The following ANO10 variants were observed in gnomAD, a reference collection of about 807,000 sequenced individuals.
The protein encoded by ANO10 is anoctamin 10, also known as anoctamin-10.
Under a neutral mutation model 74.7 loss-of-function variants are expected in ANO10, and 77 were observed. The observed-to-expected ratio is 1.03, with a 90% CI of 0.86 to 1.25. The LOEUF (loss-of-function observed/expected upper bound fraction) is 1.25, where lower values mean the gene tolerates loss of function less well. Ranked by LOEUF, ANO10 falls within the 50% of genes most tolerant of loss-of-function variation. The pLI, the probability that ANO10 is intolerant of heterozygous loss-of-function variation, is 0.00. For synonymous variants in ANO10, 279 were observed against 284.9 expected, an observed-to-expected ratio of 0.98 and a Z score of 0.21; for missense variants, 721 against 778.1, an observed-to-expected ratio of 0.93 and a Z score of 0.87.
intron 1 of ANO10, among the ~76,000 whole-genome samples, chr3:43,637,035 T>C (rs2083617927): frequency 6.6e-6 from 1 of 152,112 alleles, no homozygotes; most frequent in Non-Finnish European, 1.5e-5. Flanking sequence ...GCAGACGTGG[T>C]GGTGCATGCC....
At chr3:43,591,363 AG>A (rs1369561175) in intron 4 of ANO10, among the ~76,000 whole-genome samples, 17 of 152,082 alleles carry the variant, frequency 1.1e-4, no homozygotes, top group African/African-American at 3.9e-4. Flanking sequence ...ATCCTAATGG[AG>A]CTGAACACTA....
intron 9 of ANO10, among the ~76,000 whole-genome samples, chr3:43,557,734 CAAAAAAAAA>C (rs893586520): frequency 3.5e-4 from 15 of 43,306 alleles, no homozygotes; most frequent in African/African-American, 1.3e-3. Flanking sequence ...GACTCTGTCT[CAAAAAAAAA>C]AAAAAAAAAA....
intron 11 of ANO10, among the ~76,000 whole-genome samples, chr3:43,523,894 T>G (rs553934178): frequency 1.3e-5 from 2 of 150,742 alleles, no homozygotes; most frequent in Admixed American, 6.6e-5. Flanking sequence ...GTGGAGTAGA[T>G]GAGCTCATCC....
chr3:43,652,101 C>G (rs1310989889), intron 1 of ANO10, among the ~76,000 whole-genome samples: 1 of 148,794 alleles, frequency 6.7e-6, no homozygotes, highest in Non-Finnish European at 1.5e-5. Flanking sequence ...TGCAATCTAT[C>G]AGAATCTTGG....
upstream of ANO10, among the ~76,000 whole-genome samples, chr3:43,625,662 G>C (rs993801243): frequency 6.6e-6 from 1 of 152,112 alleles, no homozygotes; most frequent in Non-Finnish European, 1.5e-5. Context: ...CATTTTCTGT[G>C]AATTATCTAT....
chr3:43,672,332 T>C (rs952599683), intron 1 of ANO10, among the ~76,000 whole-genome samples: 2 of 152,134 alleles, frequency 1.3e-5, no homozygotes, highest in Non-Finnish European at 2.9e-5. Flanking sequence ...TAGACCAGCC[T>C]GGGCAACATA....
chr3:43,405,968 A>C (rs962485038), intron 12 of ANO10, among the ~76,000 whole-genome samples: 1 of 152,226 alleles, frequency 6.6e-6, no homozygotes, highest in Non-Finnish European at 1.5e-5. Flanking sequence ...TTAAGGTGAA[A>C]TAATTATTTT....
chr3:43,541,013 T>A (rs2078930744), intron 11 of ANO10, among the ~76,000 whole-genome samples: 2 of 152,164 alleles, frequency 1.3e-5, no homozygotes, highest in South Asian at 2.1e-4. Context: ...GACTAGTAAA[T>A]TCCAAGATTA....
chr3:43,385,379 C>G (rs2092086099), intron 12 of ANO10, among the ~76,000 whole-genome samples: 1 of 152,098 alleles, frequency 6.6e-6, no homozygotes. Flanking sequence ...AAAAATAGAT[C>G]CACCCCAATC....
chr3:43,423,839 C>T (rs1157366008), intron 12 of ANO10, among the ~76,000 whole-genome samples: 4 of 152,184 alleles, frequency 2.6e-5, no homozygotes, highest in African/African-American at 9.7e-5. Flanking sequence ...GTGCCTGGCT[C>T]ATGTTCTCAC....
Position 43,561,243 on chromosome 3 carries a change from C to A in ANO10, c.1453G>T (p.Glu485Ter). 6.2e-7 allele frequency: 1 copy of A among 1,614,142 alleles called. No homozygotes were observed. The highest frequency in any genetic ancestry group is 8.5e-7 in the Non-Finnish European group (1 of 1,180,018). The change falls in exon 9 of 13, where the codon GAA becomes TAA. Residue 485 changes from glutamate to a stop codon, truncating the protein, a stop_gained. Coordinates refer to ENST00000292246, the MANE Select transcript of ANO10 (RefSeq NM_018075.5). LOFTEE classifies it high-confidence loss of function. ...DATLYEQVIL[E>*]KEMGTYLGTF... The stretch of plus-strand genomic sequence containing the variant: ...ACCAAATAAGTTCCCATTTCTTTTT[C>A]CAGGATGACTTGTTCATATAATGTA...
chr3:43,561,453 A>G (rs1383539787), intron 8 of ANO10, 51 bp from the exon 9 acceptor site: 2 of 1,474,872 alleles, frequency 1.4e-6, no homozygotes, highest in Middle Eastern at 1.7e-4. Context: ...TAATAAAACT[A>G]TAGCATTTGT....
At chr3:43,367,592 T>A (rs1255978286) in intron 12 of ANO10, among the ~76,000 whole-genome samples, 1 of 151,954 alleles carries the variant, frequency 6.6e-6, no homozygotes. Flanking sequence ...GACGTCAAGA[T>A]AGAGGTGCCC....
intron 11 of ANO10, among the ~76,000 whole-genome samples, chr3:43,441,111 A>G (rs927105746): frequency 6.6e-6 from 1 of 152,038 alleles, no homozygotes; most frequent in Admixed American, 6.5e-5. Context: ...TCTCAAGTCA[A>G]TAACTTGACT....
At chr3:43,498,468 G>C (rs2076990086) in intron 11 of ANO10, among the ~76,000 whole-genome samples, 2 of 152,182 alleles carry the variant, frequency 1.3e-5, no homozygotes, top group African/African-American at 4.8e-5. Flanking sequence ...GTGTCAATAG[G>C]AGAGACCTGC....
At chr3:43,539,921 T>A (rs1450293905) in intron 11 of ANO10, among the ~76,000 whole-genome samples, 1 of 152,146 alleles carries the variant, frequency 6.6e-6, no homozygotes, top group African/African-American at 2.4e-5. Context: ...AAGAAACAGG[T>A]TAGGTTACCC....
At chr3:43,491,204 T>C (rs1294420858) in intron 11 of ANO10, among the ~76,000 whole-genome samples, 1 of 152,116 alleles carries the variant, frequency 6.6e-6, no homozygotes. Flanking sequence ...ACCCTGGAAG[T>C]ATGCCAACAT....
intron 11 of ANO10, among the ~76,000 whole-genome samples, chr3:43,546,383 T>C (rs530885659): frequency 2.0e-5 from 3 of 152,294 alleles, no homozygotes; most frequent in African/African-American, 7.2e-5. Flanking sequence ...ATCAAGAGTA[T>C]GGTACTGGCA....
chr3:43,484,135 G>T (rs2076375458), intron 11 of ANO10, among the ~76,000 whole-genome samples: 1 of 151,990 alleles, frequency 6.6e-6, no homozygotes. Context: ...GTTTCACCAT[G>T]TTGCCCAGGC....
Sources: allele counts gnomAD v4.1 joint callset (sites outside exome capture counted in the v4.1 genomes callset), GRCh38; gene constraint gnomAD v4.1.1; transcripts MANE v1.5; gene names NCBI Gene and HGNC (gene_info 2026-07-23, HGNC 2026-07-21).